Variants in FRAS1 observed in about 807,000 individuals in gnomAD.
FRAS1 encodes the protein extracellular matrix organizing protein FRAS1.
FRAS1 carries 290 observed loss-of-function variants against 435.2 expected under a neutral mutation model. The observed-to-expected ratio is 0.67, with a 90% CI of 0.61 to 0.73. The LOEUF (loss-of-function observed/expected upper bound fraction) is 0.73, where lower values mean the gene tolerates loss of function less well. Among genes scored for constraint, FRAS1 ranks in the 30% least tolerant of loss-of-function variants. The pLI is 0.00. For missense variants in FRAS1, 4,860 were observed against 5,001.5 expected (o/e 0.97, Z 0.85); for synonymous variants, 1,800 against 1,851.0 (o/e 0.97, Z 0.71).
At chr4:78,402,718 C>G (rs574199767) in intron 30 of FRAS1, among the ~76,000 whole-genome samples, 1 of 152,258 alleles carries the variant, frequency 6.6e-6, no homozygotes, top group African/African-American at 2.4e-5. Flanking sequence ...CACCAATGCC[C>G]TTTCTATGAC....
intron 34 of FRAS1, among the ~76,000 whole-genome samples, chr4:78,422,964 G>A (rs1266218057): frequency 6.6e-6 from 1 of 151,980 alleles, no homozygotes; most frequent in Non-Finnish European, 1.5e-5. Context: ...AGTCTGAGTG[G>A]AAGAATAACT....
intron 58 of FRAS1, 38 bp from the exon 59 acceptor site, chr4:78,488,837 C>T (rs774501158): frequency 1.9e-6 from 3 of 1,579,772 alleles, no homozygotes; most frequent in Admixed American, 1.7e-5. Context: ...CCCTGTCTTC[C>T]ACTAATGGTG....
chr4:78,323,446 C>CT (rs1400853331), intron 18 of FRAS1, among the ~76,000 whole-genome samples: 1 of 152,150 alleles, frequency 6.6e-6, no homozygotes, highest in East Asian at 1.9e-4. Context: ...ACATCAGCCC[C>CT]TTGCACAAAA....
At chr4:78,477,749 C>A (rs964165833) in intron 54 of FRAS1, 66 bp from the exon 55 acceptor site, 22 of 1,553,494 alleles carry the variant, frequency 1.4e-5, no homozygotes, top group Admixed American at 7.2e-5. Flanking sequence ...TCCTATGATG[C>A]CCTGGGGAAG....
rs377068014 is a variant in FRAS1, at chr4:78,363,979, G to A, written c.2647G>A (p.Val883Met). The part of the protein sequence containing the change: ...FSCSSCDTNL[V>M]LSHTGTCSTT... ...CTGCTCCTCATGTGACACCAACCTC[G>A]TGCTGTCCCACACTGGCACCTGCAG... The change falls in exon 22 of 74, where the codon GTG becomes ATG. Residue 883 changes from valine (V) to methionine (M), a missense_variant. Val to Met is a conservative substitution (Grantham distance 21, BLOSUM62 1). Coordinates refer to ENST00000512123, the MANE Select transcript of FRAS1 (RefSeq NM_025074.7). The A allele has an allele frequency of 1.0e-4, 164 of 1,612,208 alleles. No individual in the cohort carries two copies. In the East Asian group the frequency reaches 1.4e-3, roughly 14 times the overall value.
intron 2 of FRAS1, among the ~76,000 whole-genome samples, chr4:78,124,886 T>G (rs777277686): frequency 6.6e-6 from 1 of 152,204 alleles, no homozygotes; most frequent in Non-Finnish European, 1.5e-5. Flanking sequence ...ACTTTTACTC[T>G]TTATTAGTCT....
At chr4:78,365,500 C>A (rs115150194) in intron 22 of FRAS1, among the ~76,000 whole-genome samples, 1 of 151,966 alleles carries the variant, frequency 6.6e-6, no homozygotes, top group African/African-American at 2.4e-5. Context: ...AAAATAGAAT[C>A]CATTGTATGA....
chr4:78,297,090 G>A (rs1309150881), intron 14 of FRAS1, among the ~76,000 whole-genome samples: 4 of 152,328 alleles, frequency 2.6e-5, no homozygotes, highest in African/African-American at 9.6e-5. Context: ...AGTCATTTGT[G>A]AGATGAGAAT....
Position 78,488,783 on chromosome 4 carries a change from C to G in FRAS1, c.8753-92C>G, listed in dbSNP as rs115847804. 6,443 of 1,216,340 alleles carry G rather than the reference C, an allele frequency of 5.3e-3. 272 individuals are homozygous for G. The African/African-American group carries it at 0.083, about 16-fold the overall frequency. The allele number at this position is 1,216,340 out of a possible 1,614,324, so 75.3% of individuals were successfully genotyped here. A position where few individuals can be genotyped will look rare whatever the true frequency, so the allele number is the denominator to read the frequency against. On this transcript the variant is annotated intron_variant, in intron 58 of 73. Transcript: ENST00000512123. Reference sequence around the variant, plus strand: ...CTTGGGCTTTGGTGGAGCTCACCTGCCAAAATAGCTGCTGAAGGCTGACAA... The same window carrying G: ...CTTGGGCTTTGGTGGAGCTCACCTGGCAAAATAGCTGCTGAAGGCTGACAA...
At chr4:78,381,125 C>T (rs1188220597) in intron 27 of FRAS1, among the ~76,000 whole-genome samples, 1 of 152,134 alleles carries the variant, frequency 6.6e-6, no homozygotes, top group Non-Finnish European at 1.5e-5. Flanking sequence ...ATGCCTTTAG[C>T]CACAATGATT....
intron 2 of FRAS1, among the ~76,000 whole-genome samples, chr4:78,187,491 G>A (rs1309813625): frequency 6.6e-6 from 1 of 152,164 alleles, no homozygotes; most frequent in African/African-American, 2.4e-5. Flanking sequence ...AGGCATTTCT[G>A]GGGGAGAAGT....
intron 43 of FRAS1, among the ~76,000 whole-genome samples, chr4:78,447,820 AAG>A: frequency 6.6e-6 from 1 of 152,240 alleles, no homozygotes. Flanking sequence ...GTGTCTCCTT[AAG>A]AGACTTTTTA....
At chr4:78,096,547 C>T (rs1043589691) in intron 2 of FRAS1, among the ~76,000 whole-genome samples, 7 of 152,206 alleles carry the variant, frequency 4.6e-5, no homozygotes, top group Admixed American at 2.0e-4. Context: ...TCCATACATC[C>T]TATGAAATCT....
intron 2 of FRAS1, among the ~76,000 whole-genome samples, chr4:78,084,563 G>C (rs1051604095): frequency 1.3e-5 from 2 of 152,092 alleles, no homozygotes; most frequent in Non-Finnish European, 2.9e-5. Flanking sequence ...ATTCTTTGCT[G>C]CTCAGTTTGT....
intron 41 of FRAS1, among the ~76,000 whole-genome samples, chr4:78,443,575 A>C (rs76324998): frequency 6.6e-6 from 1 of 152,198 alleles, no homozygotes; most frequent in African/African-American, 2.4e-5. Context: ...GTATCACTAT[A>C]TTCCAGTGCT....
chr4:78,218,098 T>TCTCTCA lies in FRAS1; in HGVS notation c.109-19411_109-19410insTCTCAC, dbSNP rs368430185. On this transcript the variant is annotated intron_variant, in intron 2 of 73. Coordinates refer to ENST00000512123, the MANE Select transcript of FRAS1 (RefSeq NM_025074.7). ...CCTTCTCTCTCTCTCTCACTCTCTCTCACACACACACACACACACACACAC... is the reference window on the plus strand; with the variant it reads ...CCTTCTCTCTCTCTCTCACTCTCTCTCTCTCACACACACACACACACACACACACAC... Among the ~76,000 whole-genome samples the TCTCTCA allele has an allele frequency of 2.0e-3, 79 of 39,736 alleles. 7 individuals carry two copies. The highest frequency in any genetic ancestry group is 5.9e-3 in the African/African-American group (61 of 10,278). 26.1% of individuals were successfully genotyped at this position (39,736 alleles called of 152,430 possible).
chr4:78,537,236 G>C (rs760566533), intron 72 of FRAS1, 36 bp downstream of exon 72: 5 of 1,584,936 alleles, frequency 3.2e-6, no homozygotes, highest in South Asian at 1.1e-5. Context: ...TTAAAGAGCA[G>C]ACACTTGAGC....
rs757959583 is a variant in FRAS1 at position 78,421,900 on chromosome 4, C to T, written c.4578C>T (p.Ile1526=). The T allele has an allele frequency of 3.1e-6, 5 of 1,613,792 alleles. No homozygotes were observed. In the East Asian group the frequency reaches 8.9e-5, roughly 29 times the overall value. ...IEHRDHPHSP[I]RYFTQEDINQ... ...ACCGGGACCACCCTCACTCTCCTAT[C>T]CGGTATTTCACGCAAGAGGATATTA... Residue 1526 remains isoleucine (I), a synonymous_variant, in exon 34 of 74, where the codon ATC becomes ATT. Coordinates refer to ENST00000512123, the MANE Select transcript of FRAS1 (RefSeq NM_025074.7).
At chr4:78,448,960 C>T (rs948494220) in intron 44 of FRAS1, among the ~76,000 whole-genome samples, 3 of 152,068 alleles carry the variant, frequency 2.0e-5, no homozygotes, top group Admixed American at 1.3e-4. Flanking sequence ...TTTGTTTGTT[C>T]TTAGTTTCAT....
Sources: allele counts gnomAD v4.1 joint callset (sites outside exome capture counted in the v4.1 genomes callset), GRCh38; gene constraint gnomAD v4.1.1; transcripts MANE v1.5; gene names NCBI Gene and HGNC (gene_info 2026-07-23, HGNC 2026-07-21).